The following FIBCD1 variants were observed in gnomAD, a reference collection of about 807,000 sequenced individuals.
The protein encoded by FIBCD1 is fibrinogen C domain containing 1.
In FIBCD1, 47 loss-of-function variants were observed where a neutral mutation model predicts 45.1. The ratio of observed to expected loss-of-function variants is 1.04; its 90% confidence interval spans 0.82 to 1.33. The LOEUF is 1.33. FIBCD1 is among the 40% of genes most tolerant of loss of function. The pLI is 0.00. For synonymous variants in FIBCD1, 313 were observed against 308.1 expected (o/e 1.02, Z -0.17); for missense variants, 653 against 682.2 (o/e 0.96, Z 0.48).
At chr9:130,925,490 A>G (rs1159792729) in intron 2 of FIBCD1, among the ~76,000 whole-genome samples, 4 of 152,144 alleles carry the variant, frequency 2.6e-5, no homozygotes, top group Non-Finnish European at 5.9e-5. Context: ...TGACCCCGGA[A>G]CAGTGTCCGA....
chr9:130,904,563 C>T (rs1412055498), intron 6 of FIBCD1, among the ~76,000 whole-genome samples: 1 of 151,780 alleles, frequency 6.6e-6, no homozygotes, highest in African/African-American at 2.4e-5. Context: ...GGGGCTGCCC[C>T]TGGGTCTAGG....
intron 1 of FIBCD1, among the ~76,000 whole-genome samples, chr9:130,934,432 C>T (rs1031662886): frequency 2.6e-5 from 4 of 152,184 alleles, no homozygotes; most frequent in African/African-American, 4.8e-5. Flanking sequence ...GGCCATCTGG[C>T]GTCTCAGGCC....
chr9:130,920,668 G>A (rs1196723055), intron 4 of FIBCD1, among the ~76,000 whole-genome samples: 4 of 152,114 alleles, frequency 2.6e-5, no homozygotes, highest in Non-Finnish European at 4.4e-5. Flanking sequence ...ACCACCTGCC[G>A]CCTCCCCTGC....
intron 4 of FIBCD1, among the ~76,000 whole-genome samples, chr9:130,913,043 CTT>C (rs1832091306): frequency 1.3e-5 from 2 of 152,086 alleles, no homozygotes; most frequent in Admixed American, 6.5e-5. Flanking sequence ...CGGGGTGTGA[CTT>C]GGGTACCAAC....
At chr9:130,905,068 T>C (rs1323996091) in intron 6 of FIBCD1, among the ~76,000 whole-genome samples, 166 bp downstream of exon 6, 1 of 152,208 alleles carries the variant, frequency 6.6e-6, no homozygotes, top group Non-Finnish European at 1.5e-5. Context: ...CTGATTGTGA[T>C]GTGGGGTTGG....
In FIBCD1 at chr9:130,929,778, G is replaced by A. The variant is rs116149028; in HGVS notation, c.341C>T (p.Ser114Leu). 7.7e-6 allele frequency: 12 copies of A among 1,556,606 alleles called. No homozygotes were observed. Among genetic ancestry groups the A allele is most frequent in the African/African-American group, 5.4e-5 (4 of 73,402 alleles). Residue 114 changes from serine to leucine, a missense_variant, in exon 2 of 7, where the codon TCG becomes TTG. Physicochemically the swap from Ser to Leu is moderately radical, Grantham distance 145. Transcript: ENST00000372338. Reference sequence around the variant, plus strand: ...GTGCTCTGTCAGCGCCTGCAGCACCGAGGCCTGGGCGCTCTCCAGGCGTGC... The same window carrying A: ...GTGCTCTGTCAGCGCCTGCAGCACCAAGGCCTGGGCGCTCTCCAGGCGTGC... ...SFARLESAQA[S>L]VLQALTEHQA...
At chr9:130,940,028 C>T (rs988552075), upstream of FIBCD1, among the ~76,000 whole-genome samples, 2 of 152,160 alleles carry the variant, frequency 1.3e-5, no homozygotes, top group African/African-American at 2.4e-5. Flanking sequence ...CCCGCTTCTC[C>T]CCAAAGCTGT....
At chr9:130,914,990 G>A (rs1015155696) in intron 4 of FIBCD1, among the ~76,000 whole-genome samples, 3 of 152,252 alleles carry the variant, frequency 2.0e-5, no homozygotes, top group Admixed American at 6.5e-5. Context: ...CCAGGCGGCC[G>A]TGAGCAGCAA....
At chr9:130,917,247 C>T (rs1000713593) in intron 4 of FIBCD1, among the ~76,000 whole-genome samples, 1 of 152,240 alleles carries the variant, frequency 6.6e-6, no homozygotes, top group Non-Finnish European at 1.5e-5. Context: ...TAGAAACACT[C>T]GCCGCAGCCG....
intron 4 of FIBCD1, among the ~76,000 whole-genome samples, chr9:130,920,681 C>T (rs2133099019): frequency 6.6e-6 from 1 of 152,220 alleles, no homozygotes; most frequent in Non-Finnish European, 1.5e-5. Flanking sequence ...TCCCCTGCCG[C>T]CAAACCTCCT....
intron 5 of FIBCD1, among the ~76,000 whole-genome samples, chr9:130,906,236 T>A (rs891545132): frequency 6.6e-6 from 1 of 152,060 alleles, no homozygotes; most frequent in African/African-American, 2.4e-5. Context: ...ACCATACACA[T>A]ACGTGCTCAG....
chr9:130,939,799 T>C (rs1052780891), upstream of FIBCD1, among the ~76,000 whole-genome samples: 1 of 152,048 alleles, frequency 6.6e-6, no homozygotes, highest in African/African-American at 2.4e-5. Context: ...AAGCATTTAA[T>C]CCGCCCGGAG....
chr9:130,922,798 A>G lies in FIBCD1; in HGVS notation c.849+946T>C, dbSNP rs1006744832. On this transcript the variant is annotated intron_variant, in intron 4 of 6. Transcript: ENST00000372338. This position sits in a 1 kb window ranked among gnomAD's most constrained non-coding sequence, Gnocchi z 4.5. ...CAGCCTCATCTCATCACGCACCACA[A>G]ATCCCTCGGGCCCTGCTCCTCAGAT... 7.9e-5 allele frequency among the ~76,000 whole-genome samples: 12 copies of G among 151,856 alleles called. No individual in the cohort carries two copies. Among genetic ancestry groups the G allele is most frequent in the African/African-American group, 2.9e-4 (12 of 41,320 alleles).
intron 4 of FIBCD1, among the ~76,000 whole-genome samples, chr9:130,914,965 G>GAC (rs1423545573): frequency 2.0e-5 from 3 of 152,236 alleles, no homozygotes; most frequent in Admixed American, 2.0e-4. Context: ...CCGAAGCTCG[G>GAC]ACACTGGCCA....
intron 2 of FIBCD1, among the ~76,000 whole-genome samples, chr9:130,925,437 G>C (rs780171282): frequency 2.6e-5 from 4 of 152,154 alleles, no homozygotes; most frequent in Non-Finnish European, 5.9e-5. Context: ...GGTGTTGACT[G>C]TCTGTGTTTT....
chr9:130,923,296 G>A (rs187830183), intron 4 of FIBCD1, among the ~76,000 whole-genome samples: 5 of 151,262 alleles, frequency 3.3e-5, no homozygotes, highest in Admixed American at 1.3e-4. Context: ...CCATAGCTGT[G>A]GGGGGTCTCT....
intron 1 of FIBCD1, among the ~76,000 whole-genome samples, chr9:130,936,587 G>A (rs1246785383): frequency 6.6e-6 from 1 of 152,262 alleles, no homozygotes; most frequent in East Asian, 1.9e-4. Flanking sequence ...CCGGCCTGGA[G>A]GCCTTGAAGC....
chr9:130,909,882 T>TCCC (rs939633707), intron 5 of FIBCD1, among the ~76,000 whole-genome samples: 2 of 152,200 alleles, frequency 1.3e-5, no homozygotes, highest in African/African-American at 4.8e-5. Flanking sequence ...AGGGACTGTG[T>TCCC]CCCAGTGGCA....
chr9:130,924,999 A>G (rs1832334516), intron 2 of FIBCD1, among the ~76,000 whole-genome samples: 1 of 152,088 alleles, frequency 6.6e-6, no homozygotes, highest in Non-Finnish European at 1.5e-5. Context: ...TCCGATCCCG[A>G]GCAAGGCTGC....
Sources: allele counts gnomAD v4.1 joint callset (sites outside exome capture counted in the v4.1 genomes callset), GRCh38; gene constraint gnomAD v4.1.1; non-coding constraint Gnocchi (gnomAD v3.1); transcripts MANE v1.5; gene names NCBI Gene and HGNC (gene_info 2026-07-23, HGNC 2026-07-21).